Variants in GBE1 observed in about 807,000 individuals in gnomAD.
GBE1 encodes 1,4-alpha-glucan branching enzyme 1, also known as 1,4-alpha-glucan-branching enzyme.
A neutral mutation model predicts 88.8 loss-of-function variants in GBE1; 70 were observed. The ratio of observed to expected loss-of-function variants is 0.79; its 90% CI spans 0.65 to 0.96. GBE1 has a LOEUF of 0.96. Among genes scored for constraint, GBE1 ranks in the 40% least tolerant of loss-of-function variants. The pLI is 0.00. For synonymous variants in GBE1, 284 were observed against 300.1 expected (o/e 0.95, Z 0.56); for missense variants, 872 against 871.0 (o/e 1.00, Z -0.01).
chr3:81,639,832 G>A (rs1176743258), intron 7 of GBE1, among the ~76,000 whole-genome samples: 8 of 152,052 alleles, frequency 5.3e-5, no homozygotes, highest in Admixed American at 1.3e-4. Context: ...AGCACCAACC[G>A]TAGGTCACAT....
chr3:81,598,321 C>T (rs138637842), intron 7 of GBE1, among the ~76,000 whole-genome samples: 23 of 151,912 alleles, frequency 1.5e-4, no homozygotes, highest in Non-Finnish European at 2.4e-4. Flanking sequence ...CATAAAACCA[C>T]GAATCAAAAA....
intron 3 of GBE1, among the ~76,000 whole-genome samples, chr3:81,663,727 C>T (rs1432301388): frequency 1.3e-5 from 2 of 152,140 alleles, no homozygotes; most frequent in African/African-American, 4.8e-5. Flanking sequence ...CCCACTGGGG[C>T]TTCATGAGCT....
chr3:81,658,786 C>T (rs1279979971), intron 3 of GBE1, among the ~76,000 whole-genome samples: 1 of 152,054 alleles, frequency 6.6e-6, no homozygotes, highest in African/African-American at 2.4e-5. Flanking sequence ...GAGGTCACTA[C>T]AAAAAGACAA....
chr3:81,651,435 A>C (rs1282369148), intron 3 of GBE1, among the ~76,000 whole-genome samples: 1 of 152,172 alleles, frequency 6.6e-6, no homozygotes, highest in Non-Finnish European at 1.5e-5. Context: ...AAGTTACATG[A>C]ATACAATTAT....
chr3:81,750,609 A>ACG (rs1706501910), intron 1 of GBE1, among the ~76,000 whole-genome samples: 1 of 73,716 alleles, frequency 1.4e-5, no homozygotes, highest in African/African-American at 8.0e-5. Flanking sequence ...ATGTGTATAT[A>ACG]TATATATGTA....
chr3:81,591,657 T>C (rs1237504299), intron 8 of GBE1, among the ~76,000 whole-genome samples: 1 of 152,084 alleles, frequency 6.6e-6, no homozygotes, highest in Non-Finnish European at 1.5e-5. Context: ...ATAAAGAGAT[T>C]ATATATTCTC....
At chr3:81,753,427 G>A (rs1346561060) in intron 1 of GBE1, among the ~76,000 whole-genome samples, 2 of 152,168 alleles carry the variant, frequency 1.3e-5, no homozygotes, top group Non-Finnish European at 2.9e-5. Flanking sequence ...ACCTATAAAT[G>A]TATAATCAAA....
At chr3:81,727,328 T>A (rs1706127100) in intron 1 of GBE1, among the ~76,000 whole-genome samples, 1 of 152,110 alleles carries the variant, frequency 6.6e-6, no homozygotes, top group Admixed American at 6.6e-5. Context: ...TAATCTACCA[T>A]GAGAAAGGGG....
chr3:81,750,655 A>ATATATG lies in GBE1; in HGVS notation c.143+10719_143+10720insCATATA, dbSNP rs1553696635. Among the ~76,000 whole-genome samples the ATATATG allele has an allele frequency of 1.1e-4, 6 of 54,676 alleles. 2 individuals are homozygous for ATATATG. The highest frequency in any genetic ancestry group is 8.6e-4 in the African/African-American group (6 of 6,958). 35.9% of individuals were successfully genotyped at this position (54,676 alleles called of 152,430 possible). A position where few individuals can be genotyped will look rare whatever the true frequency, so the allele number is the denominator to read the frequency against. On this transcript the variant is annotated intron_variant, in intron 1 of 15. Transcript: ENST00000429644. ...CGTATATATATATATGTATATATAT[A>ATATATG]TATGTATATATATATATACGTATAT...
chr3:81,698,616 C>T (rs2107157687), intron 2 of GBE1, among the ~76,000 whole-genome samples: 1 of 152,192 alleles, frequency 6.6e-6, no homozygotes, highest in African/African-American at 2.4e-5. Flanking sequence ...CATAGATCAT[C>T]ACTTTATATA....
chr3:81,655,488 G>A (rs985612294), intron 3 of GBE1, among the ~76,000 whole-genome samples: 2 of 152,030 alleles, frequency 1.3e-5, no homozygotes, highest in South Asian at 2.1e-4. Flanking sequence ...CCTGAATCCC[G>A]AAGAAATAAA....
chr3:81,677,076 A>C lies in GBE1; in HGVS notation c.314-6123T>G, dbSNP rs150122952. Among the ~76,000 whole-genome samples, 110 of 152,332 alleles carry C rather than the reference A, an allele frequency of 7.2e-4. No homozygotes were observed. The Middle Eastern group carries it at 0.017, about 24-fold the overall frequency. On this transcript the variant is annotated intron_variant, in intron 2 of 15. Transcript: ENST00000429644. ...AACATTCCCAAACTCTTTGATTCAC[A>C]GTGGAGCACTACTCTTCATCAGCAC...
intron 15 of GBE1, among the ~76,000 whole-genome samples, chr3:81,496,713 G>A (rs1702503912): frequency 6.6e-6 from 1 of 152,132 alleles, no homozygotes; most frequent in Non-Finnish European, 1.5e-5. Flanking sequence ...TTGTTAATGT[G>A]ATTTTTCTTC....
At chr3:81,711,717 G>A (rs978298444) in intron 1 of GBE1, among the ~76,000 whole-genome samples, 2 of 152,176 alleles carry the variant, frequency 1.3e-5, no homozygotes, top group Non-Finnish European at 2.9e-5. Context: ...AGAAAACCTA[G>A]GCAATACCAT....
At chr3:81,539,667 GA>G (rs998831230) in intron 12 of GBE1, among the ~76,000 whole-genome samples, 2 of 151,938 alleles carry the variant, frequency 1.3e-5, no homozygotes, top group African/African-American at 4.8e-5. Context: ...AAGATTTGAT[GA>G]CAGACTGACT....
chr3:81,607,785 TTTAA>T, intron 7 of GBE1, among the ~76,000 whole-genome samples: 1 of 152,342 alleles, frequency 6.6e-6, no homozygotes, highest in Non-Finnish European at 1.5e-5. Context: ...TTGGTAACAA[TTTAA>T]TTCTTTTTTC....
At chr3:81,571,268 A>T (rs1380134798) in intron 12 of GBE1, among the ~76,000 whole-genome samples, 1 of 152,160 alleles carries the variant, frequency 6.6e-6, no homozygotes, top group African/African-American at 2.4e-5. Context: ...GGAAATAATG[A>T]GTTTGATTTG....
chr3:81,492,228 A>C (rs1456739198), intron 15 of GBE1, among the ~76,000 whole-genome samples: 2 of 152,244 alleles, frequency 1.3e-5, no homozygotes, highest in African/African-American at 4.8e-5. Flanking sequence ...TAGAGTTTAC[A>C]CATTGTATTT....
intron 2 of GBE1, among the ~76,000 whole-genome samples, chr3:81,694,022 G>T (rs1221578438): frequency 1.3e-5 from 2 of 152,186 alleles, no homozygotes; most frequent in African/African-American, 4.8e-5. Flanking sequence ...CTTGTTTTAT[G>T]TGAATTAAGA....
Sources: gnomAD v4.1 joint callset for allele counts (sites outside exome capture counted in the v4.1 genomes callset) on GRCh38, gnomAD v4.1.1 for gene constraint, MANE v1.5 for transcripts, NCBI Gene and HGNC (gene_info 2026-07-23, HGNC 2026-07-21) for gene names.